Variants in CA10 observed in about 807,000 individuals in gnomAD.
CA10 encodes carbonic anhydrase 10 (inactive), also known as carbonic anhydrase-related protein 10.
A neutral mutation model predicts 44.2 loss-of-function variants in CA10; 14 were observed. The observed-to-expected ratio is 0.32, with a 90% CI of 0.21 to 0.50. The LOEUF is 0.50. CA10 is among the 20% of genes least tolerant of loss of function. The probability of loss-of-function intolerance (pLI) is 0.99; values close to 1 mark genes in which losing one functional copy is unlikely to be tolerated. For synonymous variants in CA10, 159 were observed against 141.6 expected (o/e 1.12, Z -0.87); for missense variants, 350 against 409.7 (o/e 0.85, Z 1.26).
At chr17:52,067,209 C>A (rs1410612704) in intron 2 of CA10, among the ~76,000 whole-genome samples, 1 of 152,222 alleles carries the variant, frequency 6.6e-6, no homozygotes, top group Non-Finnish European at 1.5e-5. Flanking sequence ...TGGGCTGGGC[C>A]CAAGGCCTAG....
At chr17:51,680,104 A>C (rs1379637875) in intron 4 of CA10, among the ~76,000 whole-genome samples, 1 of 152,212 alleles carries the variant, frequency 6.6e-6, no homozygotes, top group Non-Finnish European at 1.5e-5. Flanking sequence ...TCACTGGAAA[A>C]AAAAATTGTC....
At chr17:51,722,921 G>T (rs1916392811) in intron 4 of CA10, among the ~76,000 whole-genome samples, 1 of 152,116 alleles carries the variant, frequency 6.6e-6, no homozygotes, top group South Asian at 2.1e-4. Context: ...TTCTCCTTTG[G>T]TTATATCATC....
intron 4 of CA10, among the ~76,000 whole-genome samples, chr17:51,698,157 A>ATGCTGCTGCTGCTGC (rs776362919): frequency 2.8e-4 from 43 of 152,264 alleles, no homozygotes; most frequent in African/African-American, 9.4e-4. Flanking sequence ...GACACAGCAG[A>ATGCTGCTGCTGCTGC]TGCTGCTGCT....
chr17:51,909,925 C>A (rs1044704875), intron 3 of CA10, among the ~76,000 whole-genome samples: 1 of 152,130 alleles, frequency 6.6e-6, no homozygotes, highest in African/African-American at 2.4e-5. Context: ...AGTTCTTCCA[C>A]TCTGTAATTG....
At chr17:51,701,679 C>T (rs1915608383) in intron 4 of CA10, among the ~76,000 whole-genome samples, 1 of 152,138 alleles carries the variant, frequency 6.6e-6, no homozygotes, top group Non-Finnish European at 1.5e-5. Flanking sequence ...CTCAATTATT[C>T]ACCCATGTTT....
intron 3 of CA10, among the ~76,000 whole-genome samples, chr17:51,810,711 A>G (rs779624742): frequency 6.6e-6 from 1 of 152,192 alleles, no homozygotes; most frequent in South Asian, 2.1e-4. Flanking sequence ...ATTCAGCAGT[A>G]TGGAAAGACA....
At position 51,803,853 on chromosome 17, in the gene CA10, A is replaced by AAAGC. The variant is rs529189781; in HGVS notation, c.280-56039_280-56036dup. ...CATCTTTCCTTTTGTCAGAGAAGAA[A>AAAGC]AAGCAGGCAAAGCAATGATAATCAA... On this transcript the variant is annotated intron_variant, in intron 3 of 8. Transcript: ENST00000451037. Among the ~76,000 whole-genome samples the AAAGC allele has an allele frequency of 1.8e-3, 274 of 152,340 alleles. 1 individual carries two copies. The highest frequency in any genetic ancestry group is 6.2e-3 in the African/African-American group (258 of 41,576).
intron 3 of CA10, among the ~76,000 whole-genome samples, chr17:51,909,826 C>T (rs1040667427): frequency 6.6e-6 from 1 of 152,092 alleles, no homozygotes; most frequent in South Asian, 2.1e-4. Context: ...ACAAGAATGT[C>T]GAGAAAGACT....
chr17:51,979,061 G>A (rs1414226925), intron 2 of CA10, among the ~76,000 whole-genome samples: 1 of 152,046 alleles, frequency 6.6e-6, no homozygotes, highest in African/African-American at 2.4e-5. Flanking sequence ...ACTTTGCATG[G>A]CCCTCTGAGC....
At chr17:51,884,783 G>A (rs1401163585) in intron 3 of CA10, among the ~76,000 whole-genome samples, 1 of 152,174 alleles carries the variant, frequency 6.6e-6, no homozygotes, top group East Asian at 1.9e-4. Context: ...CTTTCTGGAG[G>A]TTCTGAGGGA....
intron 3 of CA10, among the ~76,000 whole-genome samples, chr17:51,908,210 C>T (rs991188720): frequency 1.1e-4 from 16 of 152,106 alleles, no homozygotes; most frequent in African/African-American, 3.9e-4. Flanking sequence ...ATGAAACTTG[C>T]AGTTAGTTAA....
chr17:51,805,041 T>C (rs1907075623), intron 3 of CA10, among the ~76,000 whole-genome samples: 1 of 152,182 alleles, frequency 6.6e-6, no homozygotes, highest in Admixed American at 6.5e-5. Context: ...TCTTTCCACA[T>C]TGCCTTGCAG....
rs573347313 is a variant in CA10, at chr17:51,867,634, A to C, written c.279+63356T>G. ...CAAACCAACCAACCCCAAGCAAAAA[A>C]CTATCTATATTGTTTTCATAGTTCA... On this transcript the variant is annotated intron_variant, in intron 3 of 8. Coordinates refer to ENST00000451037, the MANE Select transcript of CA10 (RefSeq NM_020178.5). 1.8e-4 allele frequency among the ~76,000 whole-genome samples: 27 copies of C among 152,282 alleles called. No homozygotes were observed. The South Asian group carries it at 5.6e-3, about 32-fold the overall frequency.
At position 51,635,866 on chromosome 17, in the gene CA10, T is replaced by A. The variant is rs1430040294; in HGVS notation, c.778A>T (p.Thr260Ser). 1.3e-6 allele frequency: 2 copies of A among 1,589,768 alleles called. No individual in the cohort carries two copies. The highest frequency in any genetic ancestry group is 2.7e-5 in the African/African-American group (2 of 74,172). ...WIIMNKPVYI[T>S]RMQMHSLRLL... Reference sequence around the variant, plus strand: ...AGAGAGAAACTCACCTGCATCCTGGTTATATAGACAGGTTTGTTCATTATG... The same window carrying A: ...AGAGAGAAACTCACCTGCATCCTGGATATATAGACAGGTTTGTTCATTATG... Residue 260 changes from threonine (T) to serine (S), a missense_variant, in exon 7 of 9, where the codon ACC (threonine) becomes TCC (serine). Transcript: ENST00000451037.
At chr17:52,144,440 A>G (rs1368925841) in intron 1 of CA10, among the ~76,000 whole-genome samples, 1 of 152,208 alleles carries the variant, frequency 6.6e-6, no homozygotes, top group Non-Finnish European at 1.5e-5. Context: ...CCATATGCCT[A>G]CATTAGAGGT....
intron 3 of CA10, among the ~76,000 whole-genome samples, chr17:51,826,368 T>C (rs1567852729): frequency 6.6e-6 from 1 of 152,184 alleles, no homozygotes; most frequent in Non-Finnish European, 1.5e-5. Context: ...CCTTTCCAGC[T>C]CCAACGTGAG....
intron 3 of CA10, among the ~76,000 whole-genome samples, chr17:51,895,565 T>C (rs1462520954): frequency 6.6e-6 from 1 of 152,116 alleles, no homozygotes; most frequent in Non-Finnish European, 1.5e-5. Context: ...TTATAGTTAA[T>C]ACTAAGTAAT....
intron 1 of CA10, among the ~76,000 whole-genome samples, chr17:52,108,002 A>T (rs4411540): frequency 0.62 from 94,731 of 151,602 alleles, 31,288 homozygotes; most frequent in African/African-American, 0.83. Flanking sequence ...AAATTTACCA[A>T]GTTTCAAGAA....
chr17:52,029,155 T>G (rs1986388386), intron 2 of CA10, among the ~76,000 whole-genome samples: 1 of 152,158 alleles, frequency 6.6e-6, no homozygotes, highest in Non-Finnish European at 1.5e-5. Context: ...CCATTTATGT[T>G]TATTCATTGC....
Sources: allele counts gnomAD v4.1 joint callset (sites outside exome capture counted in the v4.1 genomes callset), GRCh38; gene constraint gnomAD v4.1.1; transcripts MANE v1.5; gene names NCBI Gene and HGNC (gene_info 2026-07-23, HGNC 2026-07-21).